AGBL4: variants seen among roughly 807,000 people sequenced by gnomAD.
AGBL4 encodes AGBL carboxypeptidase 4.
In AGBL4, 58 loss-of-function variants were observed where a neutral mutation model predicts 66.4. The ratio of observed to expected loss-of-function variants is 0.87; its 90% CI spans 0.71 to 1.09. The LOEUF is 1.09. Among genes scored for constraint, AGBL4 ranks in the 50% least tolerant of loss-of-function variants. The pLI, the probability that AGBL4 is intolerant of heterozygous loss-of-function variation, is 0.00. For synonymous variants in AGBL4, 234 were observed against 222.9 expected (o/e 1.05, Z -0.44); for missense variants, 579 against 631.0 (o/e 0.92, Z 0.88).
intron 2 of AGBL4, among the ~76,000 whole-genome samples, chr1:49,769,777 A>G (rs1234499308): frequency 6.6e-6 from 1 of 152,220 alleles, no homozygotes; most frequent in Non-Finnish European, 1.5e-5. Flanking sequence ...AATGAAACTG[A>G]TCCCTACCTA....
At chr1:49,932,162 T>C (rs184573006) in intron 1 of AGBL4, among the ~76,000 whole-genome samples, 3 of 152,192 alleles carry the variant, frequency 2.0e-5, no homozygotes, top group Admixed American at 6.5e-5. Flanking sequence ...GGAAAATATA[T>C]CAATGGAACA....
intron 6 of AGBL4, among the ~76,000 whole-genome samples, chr1:48,851,093 G>A (rs201491315): frequency 6.6e-6 from 1 of 152,048 alleles, no homozygotes; most frequent in Non-Finnish European, 1.5e-5. Context: ...TGTCATTATT[G>A]CGCTATTATT....
chr1:49,181,583 G>T (rs1646931685), intron 4 of AGBL4, among the ~76,000 whole-genome samples: 1 of 152,086 alleles, frequency 6.6e-6, no homozygotes, highest in Non-Finnish European at 1.5e-5. Flanking sequence ...TATTGCCTAG[G>T]TTAAATGAGA....
chr1:49,989,040 G>A (rs957728652), intron 1 of AGBL4, among the ~76,000 whole-genome samples: 1 of 152,124 alleles, frequency 6.6e-6, no homozygotes, highest in African/African-American at 2.4e-5. Flanking sequence ...TCTGTCATAA[G>A]AGAAGAATGA....
intron 1 of AGBL4, among the ~76,000 whole-genome samples, chr1:49,890,849 C>T (rs976921964): frequency 2.6e-5 from 4 of 152,118 alleles, no homozygotes; most frequent in Admixed American, 2.6e-4. Flanking sequence ...CTCTAGTAAG[C>T]CCAAAACTAT....
chr1:49,817,305 C>A (rs906954794), intron 2 of AGBL4, among the ~76,000 whole-genome samples: 1 of 152,070 alleles, frequency 6.6e-6, no homozygotes, highest in African/African-American at 2.4e-5. Flanking sequence ...TATTTAGGAA[C>A]AAGGAGATTC....
chr1:49,782,324 T>C (rs1162619655), intron 2 of AGBL4, among the ~76,000 whole-genome samples: 1 of 152,094 alleles, frequency 6.6e-6, no homozygotes, highest in Non-Finnish European at 1.5e-5. Flanking sequence ...GATCATACTA[T>C]GAACAACTGT....
chr1:49,926,753 T>A (rs897167198), intron 1 of AGBL4, among the ~76,000 whole-genome samples: 1 of 152,156 alleles, frequency 6.6e-6, no homozygotes, highest in South Asian at 2.1e-4. Flanking sequence ...GAAATTGATA[T>A]ACTGAAGAAT....
intron 6 of AGBL4, among the ~76,000 whole-genome samples, chr1:48,748,395 G>T (rs552617620): frequency 3.3e-5 from 5 of 152,326 alleles, no homozygotes; most frequent in African/African-American, 1.2e-4. Flanking sequence ...TGCCAGCCCT[G>T]TGCTAGGTGG....
chr1:49,197,323 G>A (rs1392788952), intron 4 of AGBL4, among the ~76,000 whole-genome samples: 1 of 152,158 alleles, frequency 6.6e-6, no homozygotes, highest in Non-Finnish European at 1.5e-5. Context: ...GGGGTTGTGT[G>A]AGCAACAGTG....
chr1:49,973,894 T>A (rs995444859), intron 1 of AGBL4, among the ~76,000 whole-genome samples: 1 of 151,810 alleles, frequency 6.6e-6, no homozygotes, highest in African/African-American at 2.4e-5. Flanking sequence ...ATAAGAGATA[T>A]CTAACAGTAC....
At chr1:49,170,615 G>T (rs981319583) in intron 4 of AGBL4, among the ~76,000 whole-genome samples, 1 of 146,580 alleles carries the variant, frequency 6.8e-6, no homozygotes, top group Admixed American at 6.9e-5. Flanking sequence ...ATATTAATGT[G>T]TATATATTCA....
intron 8 of AGBL4, among the ~76,000 whole-genome samples, chr1:48,642,383 A>G (rs1345508909): frequency 6.6e-6 from 1 of 152,172 alleles, no homozygotes; most frequent in Non-Finnish European, 1.5e-5. Flanking sequence ...GAGGCTTTAG[A>G]GTGCCTTCTC....
At chr1:48,978,513 T>A (rs1170127390) in intron 5 of AGBL4, among the ~76,000 whole-genome samples, 1 of 152,186 alleles carries the variant, frequency 6.6e-6, no homozygotes, top group Admixed American at 6.6e-5. Flanking sequence ...AGACAGGCAA[T>A]GCCCTCTCCT....
chr1:49,579,264 G>C (rs1471488289), intron 3 of AGBL4, among the ~76,000 whole-genome samples: 1 of 152,074 alleles, frequency 6.6e-6, no homozygotes, highest in Non-Finnish European at 1.5e-5. Flanking sequence ...TATTAGTTCT[G>C]TTCCTCTAGA....
intron 4 of AGBL4, among the ~76,000 whole-genome samples, chr1:49,220,603 G>C (rs940664959): frequency 6.6e-6 from 1 of 152,036 alleles, no homozygotes; most frequent in African/African-American, 2.4e-5. Context: ...TCCAGTGGTG[G>C]TTCTCAGAAG....
chr1:49,043,388 A>G (rs1432079582), intron 5 of AGBL4, among the ~76,000 whole-genome samples: 3 of 152,112 alleles, frequency 2.0e-5, no homozygotes, highest in Non-Finnish European at 4.4e-5. Context: ...CTATGGGATT[A>G]TCTTAGGCTA....
chr1:48,789,945 A>G lies in AGBL4; in HGVS notation c.634+77246T>C, dbSNP rs553435441. Among the ~76,000 whole-genome samples the G allele has an allele frequency of 9.6e-4, 147 of 152,344 alleles. 4 individuals carry two copies. The South Asian group carries it at 0.024, about 24-fold the overall frequency. On this transcript the variant is annotated intron_variant, in intron 6 of 13. Coordinates refer to ENST00000371839, the MANE Select transcript of AGBL4 (RefSeq NM_032785.4). ...GTGGAGGCAGACCTGAACTGCATAA[A>G]CAACGAGGTATATTTTTCCACTTAA...
At chr1:48,794,159 T>A (rs1388024945) in intron 6 of AGBL4, among the ~76,000 whole-genome samples, 1 of 152,196 alleles carries the variant, frequency 6.6e-6, no homozygotes. Flanking sequence ...GAACAGTTAG[T>A]GGGGTGTGAC....
Sources: gnomAD v4.1 joint callset for allele counts (sites outside exome capture counted in the v4.1 genomes callset) on GRCh38, gnomAD v4.1.1 for gene constraint, MANE v1.5 for transcripts, NCBI Gene and HGNC (gene_info 2026-07-23, HGNC 2026-07-21) for gene names.